The following ANO10 variants were observed in gnomAD, a reference collection of about 807,000 sequenced individuals.
ANO10 encodes anoctamin 10.
Under a neutral mutation model 74.7 loss-of-function variants are expected in ANO10, and 77 were observed. The ratio of observed to expected loss-of-function variants is 1.03; its 90% CI spans 0.86 to 1.25. The LOEUF is 1.25. Among genes scored for constraint, ANO10 ranks in the 50% most tolerant of loss-of-function variants. The pLI, the probability that ANO10 is intolerant of heterozygous loss-of-function variation, is 0.00. For synonymous variants in ANO10, 279 were observed against 284.9 expected (o/e 0.98, Z 0.21); for missense variants, 721 against 778.1 (o/e 0.93, Z 0.87).
chr3:43,456,283 A>G (rs1309787011), intron 11 of ANO10, among the ~76,000 whole-genome samples: 3 of 152,214 alleles, frequency 2.0e-5, no homozygotes. Flanking sequence ...CAAAATGTAT[A>G]TATTTTAAAG....
At chr3:43,569,006 C>T (rs1388644207) in intron 7 of ANO10, among the ~76,000 whole-genome samples, 12 of 129,448 alleles carry the variant, frequency 9.3e-5, no homozygotes, top group Admixed American at 3.0e-4. Flanking sequence ...AAGGGGATAT[C>T]ACCACCGATC....
intron 11 of ANO10, among the ~76,000 whole-genome samples, chr3:43,434,963 T>C (rs1244504807): frequency 6.6e-6 from 1 of 152,212 alleles, no homozygotes; most frequent in East Asian, 1.9e-4. Flanking sequence ...ATCTTCACAA[T>C]GGTTTTCTTT....
At chr3:43,690,705 A>T (rs1259476563) in intron 1 of ANO10, 1 of 393,232 alleles carries the variant, frequency 2.5e-6, no homozygotes, top group East Asian at 3.9e-5. Context: ...CACCTAACTC[A>T]TTCGGGTGAG....
chr3:43,668,776 G>T (rs973311791), intron 1 of ANO10, among the ~76,000 whole-genome samples: 3 of 151,870 alleles, frequency 2.0e-5, no homozygotes, highest in African/African-American at 4.8e-5. Flanking sequence ...ATAGATCATT[G>T]ATGTTTAACA....
intron 11 of ANO10, among the ~76,000 whole-genome samples, chr3:43,494,791 C>G (rs112279637): frequency 2.0e-5 from 3 of 152,218 alleles, no homozygotes; most frequent in African/African-American, 7.2e-5. Flanking sequence ...TTGACAGAGA[C>G]AGTGAATACG....
intron 4 of ANO10, among the ~76,000 whole-genome samples, chr3:43,586,257 C>T (rs1023231118): frequency 6.6e-6 from 1 of 151,922 alleles, no homozygotes; most frequent in Admixed American, 6.6e-5. Context: ...GGAAGAGTGA[C>T]CTGCTGGGAC....
chr3:43,581,102 G>C (rs2081244870), intron 4 of ANO10, among the ~76,000 whole-genome samples: 1 of 152,062 alleles, frequency 6.6e-6, no homozygotes, highest in South Asian at 2.1e-4. Flanking sequence ...GAACTGCTAG[G>C]TCCAAGGGCA....
chr3:43,677,493 T>C (rs1173244590), intron 1 of ANO10, among the ~76,000 whole-genome samples: 1 of 152,218 alleles, frequency 6.6e-6, no homozygotes, highest in Non-Finnish European at 1.5e-5. Flanking sequence ...CGTGTGAAGG[T>C]GATTTGATGA....
At chr3:43,412,672 A>T (rs1450945041) in intron 12 of ANO10, among the ~76,000 whole-genome samples, 1 of 152,216 alleles carries the variant, frequency 6.6e-6, no homozygotes, top group Non-Finnish European at 1.5e-5. Context: ...GTCTTGTTTG[A>T]ACAATGGAAA....
intron 11 of ANO10, among the ~76,000 whole-genome samples, chr3:43,543,114 A>ATC (rs995859412): frequency 8.6e-5 from 13 of 151,874 alleles, no homozygotes; most frequent in African/African-American, 2.9e-4. Flanking sequence ...ATATCTATAA[A>ATC]TCTCTCTCTC....
At chr3:43,385,446 G>T (rs754008973) in intron 12 of ANO10, among the ~76,000 whole-genome samples, 2 of 152,102 alleles carry the variant, frequency 1.3e-5, no homozygotes, top group Non-Finnish European at 2.9e-5. Flanking sequence ...ATACGAAAAA[G>T]ATACTTGTAA....
intron 11 of ANO10, among the ~76,000 whole-genome samples, chr3:43,492,070 G>T (rs1575252774): frequency 6.6e-6 from 1 of 152,128 alleles, no homozygotes; most frequent in Admixed American, 6.6e-5. Context: ...AAACCGAGCA[G>T]AAAGGCTGAA....
intron 11 of ANO10, among the ~76,000 whole-genome samples, chr3:43,494,842 C>CCAAAATTCATATA (rs1162292983): frequency 1.3e-5 from 2 of 152,004 alleles, no homozygotes; most frequent in African/African-American, 4.8e-5. Flanking sequence ...GTTATTCCTT[C>CCAAAATTCATATA]CAAAATTCAT....
chr3:43,483,300 C>T (rs2076342154), intron 11 of ANO10, among the ~76,000 whole-genome samples: 1 of 152,178 alleles, frequency 6.6e-6, no homozygotes, highest in African/African-American at 2.4e-5. Flanking sequence ...AGTAATGGGA[C>T]ATTTTTATAG....
At chr3:43,454,323 G>C (rs1458594887) in intron 11 of ANO10, among the ~76,000 whole-genome samples, 1 of 152,186 alleles carries the variant, frequency 6.6e-6, no homozygotes, top group Non-Finnish European at 1.5e-5. Flanking sequence ...TGAGGACATT[G>C]ACTTTTATTT....
At chr3:43,581,419 T>C (rs1041941360) in intron 4 of ANO10, among the ~76,000 whole-genome samples, 1 of 152,202 alleles carries the variant, frequency 6.6e-6, no homozygotes, top group Non-Finnish European at 1.5e-5. Context: ...CCCAGCAATA[T>C]TAAATGAAAA....
chr3:43,480,782 T>A (rs989692365), intron 11 of ANO10, among the ~76,000 whole-genome samples: 1 of 151,992 alleles, frequency 6.6e-6, no homozygotes, highest in East Asian at 1.9e-4. Flanking sequence ...CACAACACAC[T>A]GAGAGGCTGT....
intron 11 of ANO10, among the ~76,000 whole-genome samples, chr3:43,444,923 A>T (rs903258608): frequency 2.0e-5 from 3 of 152,096 alleles, no homozygotes; most frequent in Admixed American, 2.0e-4. Flanking sequence ...GGAGATCGAG[A>T]CCATCCTGGC....
chr3:43,577,629 G>C (rs1375856602), intron 5 of ANO10, among the ~76,000 whole-genome samples: 1 of 152,096 alleles, frequency 6.6e-6, no homozygotes, highest in African/African-American at 2.4e-5. Flanking sequence ...ATTAATTTGG[G>C]GGTTTAATTT....
Sources: allele counts gnomAD v4.1 joint callset (sites outside exome capture counted in the v4.1 genomes callset), GRCh38; gene constraint gnomAD v4.1.1; transcripts MANE v1.5; gene names NCBI Gene and HGNC (gene_info 2026-07-23, HGNC 2026-07-21).